The following LINGO2 variants were observed in gnomAD, a reference collection of about 807,000 sequenced individuals.
LINGO2 encodes leucine-rich repeat and immunoglobulin-like domain-containing nogo receptor-interacting protein 2.
LINGO2 carries 14 observed loss-of-function variants against 30.6 expected under a neutral mutation model. The ratio of observed to expected loss-of-function variants is 0.46; its 90% CI spans 0.30 to 0.72. The LOEUF (loss-of-function observed/expected upper bound fraction) is 0.72, where lower values mean the gene tolerates loss of function less well. Among genes scored for constraint, LINGO2 ranks in the 30% least tolerant of loss-of-function variants. The probability of loss-of-function intolerance (pLI) is 0.07; values close to 1 mark genes in which losing one functional copy is unlikely to be tolerated. For missense variants in LINGO2, 729 were observed against 751.7 expected, an observed-to-expected ratio of 0.97 and a Z score of 0.35; for synonymous variants, 317 against 288.5, an observed-to-expected ratio of 1.10 and a Z score of -1.00.
At chr9:28,845,190 A>G in the LINGO2 span, among the ~76,000 whole-genome samples, 1 of 151,922 alleles carries the variant, frequency 6.6e-6, no homozygotes, top group African/African-American at 2.4e-5. Context: ...AAGAATGAGA[A>G]AGCTGTACTT....
At chr9:28,018,389 A>G (rs1014022861) in intron 4 of LINGO2, among the ~76,000 whole-genome samples, 3 of 152,254 alleles carry the variant, frequency 2.0e-5, no homozygotes, top group Admixed American at 2.0e-4. Flanking sequence ...ACTTCTGCAC[A>G]GCCGATACAG....
chr9:28,635,805 A>G (rs1416193961), intron 1 of LINGO2, among the ~76,000 whole-genome samples: 2 of 152,058 alleles, frequency 1.3e-5, no homozygotes, highest in Non-Finnish European at 2.9e-5. Flanking sequence ...AAAAGAGTTC[A>G]GAGGTTTTTT....
At chr9:29,105,073 T>G in the LINGO2 span, among the ~76,000 whole-genome samples, 1 of 152,182 alleles carries the variant, frequency 6.6e-6, no homozygotes, top group Non-Finnish European at 1.5e-5. Context: ...CCAAACACCT[T>G]GTATTTTTTG....
intron 1 of LINGO2, among the ~76,000 whole-genome samples, chr9:28,586,880 G>GA (rs928749746): frequency 2.0e-5 from 3 of 151,684 alleles, no homozygotes; most frequent in Non-Finnish European, 4.4e-5. Context: ...AATTTCTTAA[G>GA]AAAAAAAACT....
the LINGO2 span, among the ~76,000 whole-genome samples, chr9:28,868,294 A>C: frequency 2.6e-5 from 4 of 152,116 alleles, no homozygotes; most frequent in Admixed American, 2.6e-4. Context: ...TGAAGGGTTT[A>C]GTTCACTGTC....
chr9:28,643,923 G>A (rs1279248115), intron 1 of LINGO2, among the ~76,000 whole-genome samples: 2 of 151,850 alleles, frequency 1.3e-5, no homozygotes, highest in Non-Finnish European at 2.9e-5. Flanking sequence ...TGGCAAATAG[G>A]CATACGAAAT....
chr9:29,143,741 T>A, the LINGO2 span, among the ~76,000 whole-genome samples: 2 of 152,176 alleles, frequency 1.3e-5, no homozygotes, highest in Middle Eastern at 3.2e-3. Flanking sequence ...TTGATGATTG[T>A]TTACTTTGTG....
intron 1 of LINGO2, among the ~76,000 whole-genome samples, chr9:28,649,654 T>G (rs1214283762): frequency 6.6e-6 from 1 of 152,052 alleles, no homozygotes; most frequent in Admixed American, 6.6e-5. Flanking sequence ...TAGAAAGTAG[T>G]TAAGAAATTG....
intron 3 of LINGO2, among the ~76,000 whole-genome samples, chr9:28,344,687 C>T (rs1434321994): frequency 2.0e-5 from 3 of 151,658 alleles, no homozygotes; most frequent in Non-Finnish European, 4.4e-5. Flanking sequence ...TATAAATAAG[C>T]GGCACTAGTA....
At chr9:28,368,834 G>A (rs1437397829) in intron 3 of LINGO2, among the ~76,000 whole-genome samples, 1 of 151,828 alleles carries the variant, frequency 6.6e-6, no homozygotes, top group African/African-American at 2.4e-5. Flanking sequence ...CTGACCTCGT[G>A]ATCCACCTGC....
At chr9:28,090,495 C>G (rs1431148058) in intron 4 of LINGO2, among the ~76,000 whole-genome samples, 2 of 152,084 alleles carry the variant, frequency 1.3e-5, no homozygotes, top group African/African-American at 4.8e-5. Context: ...GCAGAAAAGG[C>G]CTTTGACAAA....
intron 2 of LINGO2, among the ~76,000 whole-genome samples, chr9:28,466,945 T>C (rs1252646432): frequency 6.6e-6 from 1 of 150,620 alleles, no homozygotes; most frequent in African/African-American, 2.4e-5. Context: ...ACACACTTAA[T>C]CCAAACTAAC....
At chr9:28,373,637 T>C (rs1434680795) in intron 2 of LINGO2, among the ~76,000 whole-genome samples, 1 of 152,120 alleles carries the variant, frequency 6.6e-6, no homozygotes, top group East Asian at 1.9e-4. Context: ...CAGTGGCTCA[T>C]GCCTGTAATC....
At chr9:29,059,228 T>C in the LINGO2 span, among the ~76,000 whole-genome samples, 1 of 151,684 alleles carries the variant, frequency 6.6e-6, no homozygotes, top group Non-Finnish European at 1.5e-5. Context: ...GCAATAAAAT[T>C]GCAATGAGTA....
chr9:28,387,260 A>G (rs1276383383), intron 2 of LINGO2, among the ~76,000 whole-genome samples: 1 of 152,050 alleles, frequency 6.6e-6, no homozygotes, highest in Non-Finnish European at 1.5e-5. Flanking sequence ...GTAAAAATGC[A>G]CCAATTGGCA....
At chr9:28,890,396 CA>C in the LINGO2 span, among the ~76,000 whole-genome samples, 1 of 151,926 alleles carries the variant, frequency 6.6e-6, no homozygotes, top group East Asian at 1.9e-4. Context: ...ACTTGTGTAC[CA>C]GGGGCAGCAC....
At chr9:28,538,065 T>C (rs892339855) in intron 1 of LINGO2, among the ~76,000 whole-genome samples, 2 of 151,982 alleles carry the variant, frequency 1.3e-5, no homozygotes, top group African/African-American at 4.8e-5. Context: ...ATCTGTCAAC[T>C]TAGAATTGTA....
the LINGO2 span, among the ~76,000 whole-genome samples, chr9:28,734,395 C>T: frequency 6.6e-6 from 1 of 152,116 alleles, no homozygotes; most frequent in Admixed American, 6.6e-5. Flanking sequence ...TTACTTATTC[C>T]TGGAACATTC....
intron 3 of LINGO2, among the ~76,000 whole-genome samples, chr9:28,353,721 C>T (rs868028789): frequency 1.2e-4 from 18 of 152,150 alleles, no homozygotes; most frequent in Non-Finnish European, 1.9e-4. Flanking sequence ...TATTGCGGCA[C>T]TATTCACAAT....
Sources: gnomAD v4.1 joint callset for allele counts (sites outside exome capture counted in the v4.1 genomes callset) on GRCh38, gnomAD v4.1.1 for gene constraint, MANE v1.5 for transcripts, NCBI Gene and HGNC (gene_info 2026-07-23, HGNC 2026-07-21) for gene names.